The following REV3L variants were observed in gnomAD, a reference collection of about 807,000 sequenced individuals.
The protein encoded by REV3L is REV3 like, DNA directed polymerase zeta catalytic subunit, also known as DNA polymerase zeta catalytic subunit.
A neutral mutation model predicts 299.4 loss-of-function variants in REV3L; 69 were observed. The ratio of observed to expected loss-of-function variants is 0.23; its 90% CI spans 0.19 to 0.28. The LOEUF is 0.28. REV3L is among the 10% of genes least tolerant of loss of function. REV3L has a pLI of 1.00. For synonymous variants in REV3L, 1,238 were observed against 1,271.4 expected, an observed-to-expected ratio of 0.97 and a Z score of 0.56; for missense variants, 3,128 against 3,693.8, an observed-to-expected ratio of 0.85 and a Z score of 3.97.
intron 18 of REV3L, among the ~76,000 whole-genome samples, chr6:111,352,951 T>C (rs910942278): frequency 2.6e-5 from 4 of 152,204 alleles, no homozygotes; most frequent in Admixed American, 2.0e-4. Context: ...GAACTAATTA[T>C]AGTTATAAGT....
At chr6:111,358,698 C>T in intron 17 of REV3L, 124 bp downstream of exon 17, 1 of 697,852 alleles carries the variant, frequency 1.4e-6, no homozygotes, top group Non-Finnish European at 2.3e-6. Flanking sequence ...CTACCCCTAC[C>T]TCAGCAAACA....
intron 1 of REV3L, among the ~76,000 whole-genome samples, chr6:111,434,122 A>T (rs1407080130): frequency 6.6e-6 from 1 of 152,198 alleles, no homozygotes; most frequent in Non-Finnish European, 1.5e-5. Flanking sequence ...TTCCTCTAAG[A>T]TCTGGAGCAA....
intron 25 of REV3L, 51 bp from the exon 26 acceptor site, chr6:111,322,729 G>T: frequency 7.7e-7 from 1 of 1,299,292 alleles, no homozygotes; most frequent in Non-Finnish European, 1.1e-6. Flanking sequence ...CTCAGTATAA[G>T]TTAACAGACT....
chr6:111,466,616 C>T (rs978597584), intron 1 of REV3L, among the ~76,000 whole-genome samples: 1 of 152,166 alleles, frequency 6.6e-6, no homozygotes, highest in Non-Finnish European at 1.5e-5. Flanking sequence ...ATGGGCAGAT[C>T]ACCTGAAGTC....
chr6:111,459,317 A>C (rs1281204853), intron 1 of REV3L, among the ~76,000 whole-genome samples: 3 of 152,126 alleles, frequency 2.0e-5, no homozygotes, highest in Non-Finnish European at 4.4e-5. Context: ...AAGACCTAAA[A>C]CTACAAAAAT....
intron 1 of REV3L, among the ~76,000 whole-genome samples, chr6:111,439,756 C>CTAA (rs940447183): frequency 3.3e-5 from 5 of 152,128 alleles, no homozygotes; most frequent in Non-Finnish European, 7.4e-5. Flanking sequence ...GCCCGTTTGA[C>CTAA]CCACTACAGC....
intron 1 of REV3L, among the ~76,000 whole-genome samples, chr6:111,440,275 G>A (rs1788103990): frequency 6.6e-6 from 1 of 152,204 alleles, no homozygotes; most frequent in African/African-American, 2.4e-5. Flanking sequence ...CTCCATGTTG[G>A]TCAGGCTGGT....
In REV3L at chr6:111,324,987, A is replaced by T. The variant is rs189368789; in HGVS notation, c.8242-2309T>A. On this transcript the variant is annotated intron_variant, in intron 25 of 31. Transcript: ENST00000368802. ...CGCCATTCTCCTGCCTCAGCCTCCCAAGTAGCTGGGACTACAGGCACCCGC... is the reference window on the plus strand; with the variant it reads ...CGCCATTCTCCTGCCTCAGCCTCCCTAGTAGCTGGGACTACAGGCACCCGC... 9.9e-4 allele frequency among the ~76,000 whole-genome samples: 150 copies of T among 151,582 alleles called. 1 individual carries two copies. Among genetic ancestry groups the T allele is most frequent in the African/African-American group, 3.3e-3 (138 of 41,344 alleles).
At chr6:111,416,828 T>C (rs1338816742) in intron 1 of REV3L, among the ~76,000 whole-genome samples, 1 of 152,126 alleles carries the variant, frequency 6.6e-6, no homozygotes, top group Non-Finnish European at 1.5e-5. Flanking sequence ...GTTACAAAAA[T>C]TCACAAAAAG....
chr6:111,336,881 T>C (rs979610862), intron 21 of REV3L, among the ~76,000 whole-genome samples: 1 of 152,218 alleles, frequency 6.6e-6, no homozygotes, highest in African/African-American at 2.4e-5. Context: ...TGGACAATTC[T>C]GGACAGCATT....
At chr6:111,347,804 G>A (rs464401) in intron 20 of REV3L, among the ~76,000 whole-genome samples, 60,578 of 151,936 alleles carry the variant, frequency 0.4, 14,614 homozygotes, top group Non-Finnish European at 0.54. Context: ...GTGCACTGCA[G>A]CCTTGAATTC....
chr6:111,418,147 A>G (rs970404734), intron 1 of REV3L, among the ~76,000 whole-genome samples: 1 of 152,206 alleles, frequency 6.6e-6, no homozygotes. Context: ...CTGGTATGCT[A>G]AACTACAGGT....
chr6:111,319,162 C>T (rs1457582008), intron 26 of REV3L, among the ~76,000 whole-genome samples: 2 of 152,074 alleles, frequency 1.3e-5, no homozygotes, highest in African/African-American at 4.8e-5. Context: ...ATATACTTTA[C>T]ATCTTAAAAG....
chr6:111,396,401 TG>T (rs1403536219), intron 4 of REV3L, among the ~76,000 whole-genome samples: 2 of 151,916 alleles, frequency 1.3e-5, no homozygotes, highest in African/African-American at 2.4e-5. Context: ...GTTAGTATTT[TG>T]TTGAGGATTT....
In REV3L at chr6:111,356,964, G is replaced by A. The variant is rs199857231; in HGVS notation, c.7184+50C>T. On this transcript the variant is annotated intron_variant, in intron 18 of 31. Transcript: ENST00000368802. The stretch of plus-strand genomic sequence containing the variant: ...TCTTCACTATTATCTGCAATAGCAT[G>A]AAACGACTCTCTGAATAAAACTGGA... The A allele has an allele frequency of 3.1e-4, 307 of 991,386 alleles. No individual in the cohort carries two copies. The African/African-American group carries it at 4.4e-3, about 14-fold the overall frequency. The allele number at this position is 991,386 out of a possible 1,614,324, so 61.4% of individuals were successfully genotyped here.
At chr6:111,483,562 A>C, upstream of REV3L, 1 of 482,806 alleles carries the variant, frequency 2.1e-6, no homozygotes, top group Admixed American at 2.4e-5. Flanking sequence ...TTTGGCGGCT[A>C]TGCAGGATTG....
chr6:111,371,159 G>C (rs1159801126), intron 13 of REV3L, among the ~76,000 whole-genome samples: 1 of 151,952 alleles, frequency 6.6e-6, no homozygotes, highest in Non-Finnish European at 1.5e-5. Context: ...CTCTGCAACT[G>C]GTTAAGTATA....
chr6:111,425,906 G>C (rs939559157), intron 1 of REV3L, among the ~76,000 whole-genome samples: 4 of 152,130 alleles, frequency 2.6e-5, no homozygotes, highest in African/African-American at 9.7e-5. Context: ...TAACTAAAAT[G>C]AAAAATTTAC....
Position 111,375,745 on chromosome 6 carries a change from A to T in REV3L, c.2610T>A (p.Asp870Glu), listed in dbSNP as rs930102149. The part of the protein sequence containing the change: ...NNPCNSNPEK[D>E]NALASDLTKT... ...TAGTTAAATCACTAGCCAATGCATT[A>T]TCCTTCTCAGGATTACTATTACAAG... Residue 870 changes from aspartate to glutamate, a missense_variant, in exon 13 of 32, where the codon GAT (aspartate) becomes GAA (glutamate). By Grantham distance (45) the Asp-to-Glu change is conservative. This residue lies in a region of REV3L where 2,409 missense variants were observed against 2,611.8 expected (regional missense o/e 0.92). Coordinates refer to ENST00000368802, the MANE Select transcript of REV3L (RefSeq NM_001372078.1). The T allele has an allele frequency of 1.2e-6, 2 of 1,613,748 alleles. No homozygotes were observed. The highest frequency in any genetic ancestry group is 8.5e-7 in the Non-Finnish European group (1 of 1,179,804).
Sources: gnomAD v4.1 joint callset for allele counts (sites outside exome capture counted in the v4.1 genomes callset) on GRCh38, gnomAD v4.1.1 for gene constraint, gnomAD v4.1.1 regional missense constraint, MANE v1.5 for transcripts, NCBI Gene and HGNC (gene_info 2026-07-23, HGNC 2026-07-21) for gene names.